NKIRAS1: variants seen among roughly 807,000 people sequenced by gnomAD.
NKIRAS1 encodes NFKB inhibitor interacting Ras like 1, also known as NF-kappa-B inhibitor-interacting Ras-like protein 1.
NKIRAS1 carries 16 observed loss-of-function variants against 19.8 expected under a neutral mutation model. The ratio of observed to expected loss-of-function variants is 0.81; its 90% confidence interval spans 0.55 to 1.23. NKIRAS1 has a LOEUF of 1.23. Among genes scored for constraint, NKIRAS1 ranks in the 50% most tolerant of loss-of-function variants. NKIRAS1 has a pLI of 0.00. For synonymous variants in NKIRAS1, 88 were observed against 79.0 expected, an observed-to-expected ratio of 1.11 and a Z score of -0.61; for missense variants, 184 against 220.0, an observed-to-expected ratio of 0.84 and a Z score of 1.04.
At position 23,927,266 on chromosome 3, in the gene NKIRAS1, T is replaced by C. The variant is rs552821763; in HGVS notation, c.-139-15816A>G. Among the ~76,000 whole-genome samples, 1 of 152,262 alleles carries C rather than the reference T, an allele frequency of 6.6e-6. No homozygotes were observed. The highest frequency in any genetic ancestry group is 2.1e-4 in the South Asian group (1 of 4,832). ...TGAGTGCAGTGGCTCACGTCTGTAATCCCAGCACTTTGGGAGGCCAAGGTG... is the reference window on the plus strand; with the variant it reads ...TGAGTGCAGTGGCTCACGTCTGTAACCCCAGCACTTTGGGAGGCCAAGGTG... On this transcript the variant is annotated intron_variant, in intron 1 of 4. Transcript: ENST00000421515. This position sits in a 1 kb window ranked among gnomAD's most constrained non-coding sequence, Gnocchi z 4.0.
At chr3:23,944,679 G>A (rs1326654063) in intron 1 of NKIRAS1, among the ~76,000 whole-genome samples, 1 of 152,188 alleles carries the variant, frequency 6.6e-6, no homozygotes, top group Non-Finnish European at 1.5e-5. Flanking sequence ...CTGGAGATTA[G>A]AAGAGAGGTC....
At position 23,907,402 on chromosome 3, in the gene NKIRAS1, C is replaced by T. The variant is rs182468676; in HGVS notation, c.94+3409G>A. Among the ~76,000 whole-genome samples the T allele has an allele frequency of 1.6e-3, 246 of 152,274 alleles. 1 individual carries two copies. The highest frequency in any genetic ancestry group is 5.5e-3 in the African/African-American group (229 of 41,552). On this transcript the variant is annotated intron_variant, in intron 3 of 4. Coordinates refer to ENST00000425478, the MANE Select transcript of NKIRAS1 (RefSeq NM_020345.4). ...AACTGATGGGGGGGCGGTGTTGGCA[C>T]CCCTAACCCGTGCACTGTTGAAGGG...
chr3:23,900,884 C>T lies in NKIRAS1; in HGVS notation c.260G>A (p.Ser87Asn), dbSNP rs1553642549. Reference sequence around the variant, plus strand: ...TTGAAAGGATTCAAGGTTATTCACACTGTACACAAGAACGAAGCCATCAGC... The same window carrying T: ...TTGAAAGGATTCAAGGTTATTCACATTGTACACAAGAACGAAGCCATCAGC... Reference protein sequence around the residue: ...SFADGFVLVYSVNNLESFQRV... With the variant: ...SFADGFVLVYNVNNLESFQRV... Residue 87 changes from serine to asparagine, a missense_variant, in exon 4 of 5, where the codon AGT becomes AAT. Ser to Asn is a conservative substitution (Grantham distance 46). Coordinates refer to ENST00000425478, the MANE Select transcript of NKIRAS1 (RefSeq NM_020345.4). 6.2e-7 allele frequency: 1 copy of T among 1,613,928 alleles called. No homozygotes were observed. The highest frequency in any genetic ancestry group is 8.5e-7 in the Non-Finnish European group (1 of 1,179,928).
chr3:23,900,890 A>G lies in NKIRAS1; in HGVS notation c.254T>C (p.Val85Ala). Residue 85 changes from valine to alanine, a missense_variant, in exon 4 of 5, where the codon GTG becomes GCG. Transcript: ENST00000425478. ...GGATTCAAGGTTATTCACACTGTAC[A>G]CAAGAACGAAGCCATCAGCAAATGA... ...YFSFADGFVL[V>A]YSVNNLESFQ... 1 of 1,614,086 alleles carries G rather than the reference A, an allele frequency of 6.2e-7. No individual in the cohort carries two copies. The highest frequency in any genetic ancestry group is 8.5e-7 in the Non-Finnish European group (1 of 1,179,958).
intron 1 of NKIRAS1, among the ~76,000 whole-genome samples, chr3:23,931,345 G>A (rs1419383092): frequency 6.6e-6 from 1 of 152,152 alleles, no homozygotes; most frequent in Non-Finnish European, 1.5e-5. Context: ...AGTATGTTCA[G>A]CTTTAGGCTC....
At chr3:23,909,606 G>A (rs1488618261) in intron 3 of NKIRAS1, among the ~76,000 whole-genome samples, 1 of 152,122 alleles carries the variant, frequency 6.6e-6, no homozygotes, top group African/African-American at 2.4e-5. Context: ...TAACACAAAC[G>A]TCATTTCATT....
upstream of NKIRAS1, chr3:23,918,696 G>A (rs1704862487): frequency 4.2e-6 from 5 of 1,198,916 alleles, no homozygotes; most frequent in Non-Finnish European, 5.8e-6. Flanking sequence ...CAGGGTTTGT[G>A]ATTTTTACTA....
chr3:23,905,668 T>C (rs549822038), intron 3 of NKIRAS1, among the ~76,000 whole-genome samples: 1 of 151,892 alleles, frequency 6.6e-6, no homozygotes, highest in East Asian at 1.9e-4. Context: ...AGTAAATATC[T>C]CAATTCGGAA....
chr3:23,916,509 T>G (rs968054829), intron 1 of NKIRAS1: 1 of 152,300 alleles, frequency 6.6e-6, no homozygotes, highest in Admixed American at 6.5e-5. Context: ...TCCATGACCC[T>G]TTTTTAGGAC....
In NKIRAS1 at chr3:23,926,449, C is replaced by T. The variant is rs1705214752; in HGVS notation, c.-139-14999G>A. ...TCCTCCTCTTGCTCCTCGTCCTCCTCTTCTCTCTTTTTTCTCTTCTTCCTC... is the reference window on the plus strand; with the variant it reads ...TCCTCCTCTTGCTCCTCGTCCTCCTTTTCTCTCTTTTTTCTCTTCTTCCTC... On this transcript the variant is annotated intron_variant, in intron 1 of 4. Coordinates refer to the NKIRAS1 transcript ENST00000421515. The surrounding 1 kb of genome is among the most constrained non-coding windows in gnomAD (Gnocchi z 4.3). Among the ~76,000 whole-genome samples the T allele has an allele frequency of 6.6e-6, 1 of 152,090 alleles. No individual in the cohort carries two copies. Among genetic ancestry groups the T allele is most frequent in the African/African-American group, 2.4e-5 (1 of 41,422 alleles).
At chr3:23,909,129 G>A (rs1448005097) in intron 3 of NKIRAS1, among the ~76,000 whole-genome samples, 1 of 152,090 alleles carries the variant, frequency 6.6e-6, no homozygotes, top group Non-Finnish European at 1.5e-5. Context: ...ACTGACATAG[G>A]TATTATAATA....
In NKIRAS1 at chr3:23,940,153, G is replaced by A. The variant is rs962787025; in HGVS notation, c.-140+6170C>T. Among the ~76,000 whole-genome samples the A allele has an allele frequency of 5.8e-4, 65 of 112,792 alleles. 1 individual carries two copies. The highest frequency in any genetic ancestry group is 6.8e-4 in the Non-Finnish European group (41 of 60,098). 74.0% of individuals were successfully genotyped at this position (112,792 alleles called of 152,430 possible). On this transcript the variant is annotated intron_variant, in intron 1 of 4. Transcript: ENST00000421515. ...CAAGACTAGCCTGGCAACACAGGAA[G>A]ACTCCCATCTCTACCAAAAAAAAAA...
chr3:23,917,192 C>T (rs1013916803), upstream of NKIRAS1: 1 of 152,788 alleles, frequency 6.5e-6, no homozygotes, highest in African/African-American at 2.4e-5. Flanking sequence ...CGTTGAGGAT[C>T]TTTGCTCTTC....
intron 3 of NKIRAS1, among the ~76,000 whole-genome samples, chr3:23,907,176 G>T (rs1033757054): frequency 1.3e-5 from 2 of 152,216 alleles, no homozygotes; most frequent in African/African-American, 2.4e-5. Flanking sequence ...TTACAGGCGT[G>T]AGCCACCACA....
rs191701401 is a variant in NKIRAS1, at chr3:23,922,078, A to G, written c.-139-10628T>C. The G allele has an allele frequency of 1.0e-3, 158 of 155,876 alleles. No individual in the cohort carries two copies. The highest frequency in any genetic ancestry group is 1.9e-3 in the Non-Finnish European group (132 of 70,376). The allele number at this position is 155,876 out of a possible 1,614,324, so 9.7% of individuals were successfully genotyped here. On this transcript the variant is annotated intron_variant, in intron 1 of 4. Coordinates refer to the NKIRAS1 transcript ENST00000421515. The surrounding 1 kb of genome is among the most constrained non-coding windows in gnomAD (Gnocchi z 4.2). ...CGCCTGCAATCCCAACACTTTCGGT[A>G]ACCAAGGTGGGCTTGAGCTCATGAG...
intron 1 of NKIRAS1, among the ~76,000 whole-genome samples, chr3:23,912,633 C>G (rs150882977): frequency 6.6e-6 from 1 of 152,110 alleles, no homozygotes; most frequent in Admixed American, 6.6e-5. Context: ...GACAGTGTGG[C>G]GATTTCTCAA....
intron 4 of NKIRAS1, among the ~76,000 whole-genome samples, chr3:23,897,531 T>C (rs570415228): frequency 1.8e-4 from 28 of 152,192 alleles, no homozygotes; most frequent in Non-Finnish European, 3.7e-4. Context: ...CTGATCTCAC[T>C]AAAAGTGAAA....
chr3:23,916,279 AC>A (rs995299140), intron 1 of NKIRAS1: 50 of 152,304 alleles, frequency 3.3e-4, no homozygotes, highest in African/African-American at 1.1e-3. Flanking sequence ...TTCTGGAGAA[AC>A]AAAGTAAGCC....
At chr3:23,923,697 T>G (rs1705156142) in intron 1 of NKIRAS1, 1 of 152,252 alleles carries the variant, frequency 6.6e-6, no homozygotes, top group Non-Finnish European at 1.5e-5. Context: ...AGAAGTAGAA[T>G]GGCAGAGTTA....
Sources: allele counts gnomAD v4.1 joint callset (sites outside exome capture counted in the v4.1 genomes callset), GRCh38; gene constraint gnomAD v4.1.1; non-coding constraint Gnocchi (gnomAD v3.1); transcripts MANE v1.5; gene names NCBI Gene and HGNC (gene_info 2026-07-23, HGNC 2026-07-21).